Variants in PTH2R observed in about 807,000 individuals in gnomAD.
PTH2R encodes parathyroid hormone 2 receptor.
In PTH2R, 59 loss-of-function variants were observed where a neutral mutation model predicts 60.3. The observed-to-expected ratio is 0.98, with a 90% CI of 0.79 to 1.22. The LOEUF is 1.22. PTH2R is among the 50% of genes most tolerant of loss of function. PTH2R has a pLI of 0.00. For synonymous variants in PTH2R, 256 were observed against 243.8 expected (o/e 1.05, Z -0.47); for missense variants, 749 against 682.6 (o/e 1.10, Z -1.08).
At chr2:208,373,512 C>A (rs1353453864) in intron 1 of PTH2R, among the ~76,000 whole-genome samples, 37 of 152,016 alleles carry the variant, frequency 2.4e-4, no homozygotes. Flanking sequence ...TTGATGAATT[C>A]TCACCTTTAG....
chr2:208,364,113 AT>A (rs1700533717), intron 1 of PTH2R, among the ~76,000 whole-genome samples: 1 of 152,286 alleles, frequency 6.6e-6, no homozygotes, highest in African/African-American at 2.4e-5. Flanking sequence ...TTCTTTATAT[AT>A]TATGGATGCT....
At chr2:208,489,995 A>T (rs1366876963) in intron 11 of PTH2R, among the ~76,000 whole-genome samples, 1 of 152,170 alleles carries the variant, frequency 6.6e-6, no homozygotes, top group Non-Finnish European at 1.5e-5. Flanking sequence ...ACTCTCAGAG[A>T]TACTTTGTTG....
At chr2:208,429,084 C>CAA (rs55835317) in intron 2 of PTH2R, among the ~76,000 whole-genome samples, 2 of 126,076 alleles carry the variant, frequency 1.6e-5, no homozygotes, top group African/African-American at 2.9e-5. Flanking sequence ...CTCTCTGTCT[C>CAA]AAAAAAAAAA....
chr2:208,363,947 T>G (rs944161138), intron 1 of PTH2R, among the ~76,000 whole-genome samples: 1 of 152,230 alleles, frequency 6.6e-6, no homozygotes, highest in African/African-American at 2.4e-5. Context: ...GAATATTTTC[T>G]CCCATTCCAT....
chr2:208,491,169 T>C (rs1703397123), intron 12 of PTH2R, among the ~76,000 whole-genome samples: 1 of 152,204 alleles, frequency 6.6e-6, no homozygotes, highest in African/African-American at 2.4e-5. Flanking sequence ...TAATATGCCC[T>C]GCTGTTGGAT....
chr2:208,491,492 G>C (rs1703402852), intron 12 of PTH2R, among the ~76,000 whole-genome samples: 1 of 152,186 alleles, frequency 6.6e-6, no homozygotes, highest in South Asian at 2.1e-4. Context: ...GGGGCTTCTG[G>C]CCAAGTTAGG....
chr2:208,438,140 A>G (rs1271600594), intron 4 of PTH2R, among the ~76,000 whole-genome samples: 1 of 3,756 alleles, frequency 2.7e-4, no homozygotes, highest in Admixed American at 4.8e-3. Flanking sequence ...GTTAGATTAC[A>G]TTGTTTACTT....
chr2:208,445,522 G>A (rs556965787), intron 7 of PTH2R, among the ~76,000 whole-genome samples: 34 of 152,240 alleles, frequency 2.2e-4, no homozygotes, highest in Non-Finnish European at 4.7e-4. Flanking sequence ...AAAAGAAATT[G>A]TTTGCTTGTT....
rs777972387 is a variant in PTH2R at position 208,442,326 on chromosome 2, T to C, written c.412-38T>C. 5.7e-6 allele frequency: 8 copies of C among 1,399,914 alleles called. No individual in the cohort carries two copies. The Admixed American group carries it at 6.9e-5, about 12-fold the overall frequency. The allele number at this position is 1,399,914 out of a possible 1,614,324, so 86.7% of individuals were successfully genotyped here. A position where few individuals can be genotyped will look rare whatever the true frequency, so the allele number is the denominator to read the frequency against. The stretch of plus-strand genomic sequence containing the variant: ...TTTCTTTGCCAGTTTATTGGTAAAA[T>C]AGTCCCATATCATACATGAGCATCT... On this transcript the variant is annotated intron_variant, in intron 4 of 12. Transcript: ENST00000272847.
chr2:208,472,641 G>A (rs1007927932), intron 9 of PTH2R, among the ~76,000 whole-genome samples: 1 of 152,200 alleles, frequency 6.6e-6, no homozygotes, highest in East Asian at 1.9e-4. Context: ...ACATGGAACT[G>A]TAAGTCCATT....
intron 10 of PTH2R, among the ~76,000 whole-genome samples, chr2:208,488,277 A>G (rs1483738130): frequency 6.6e-6 from 1 of 152,248 alleles, no homozygotes; most frequent in Non-Finnish European, 1.5e-5. Context: ...TATGGCTCAT[A>G]GAAAAATATA....
intron 7 of PTH2R, among the ~76,000 whole-genome samples, chr2:208,450,389 T>G (rs557454375): frequency 3.9e-5 from 6 of 152,292 alleles, no homozygotes; most frequent in African/African-American, 1.4e-4. Context: ...GCTTCACTCC[T>G]TGAGAGCATA....
chr2:208,459,664 A>G (rs1437178730), intron 8 of PTH2R, among the ~76,000 whole-genome samples: 4 of 152,166 alleles, frequency 2.6e-5, no homozygotes, highest in African/African-American at 9.7e-5. Flanking sequence ...TAATTCACTA[A>G]TATTTATAAT....
At chr2:208,383,443 A>G (rs2125877785) in intron 1 of PTH2R, among the ~76,000 whole-genome samples, 1 of 152,362 alleles carries the variant, frequency 6.6e-6, no homozygotes, top group South Asian at 2.1e-4. Context: ...TTTGGAAGAT[A>G]TAAAGAATTT....
At chr2:208,436,562 G>A (rs528462401) in intron 2 of PTH2R, among the ~76,000 whole-genome samples, 6 of 152,230 alleles carry the variant, frequency 3.9e-5, no homozygotes, top group South Asian at 2.1e-4. Context: ...GGAGTCATTG[G>A]GAACTGGTGC....
At chr2:208,450,960 A>ACACATTAC (rs1356478901) in intron 8 of PTH2R, 151 bp downstream of exon 8, 1 of 823,380 alleles carries the variant, frequency 1.2e-6, no homozygotes, top group African/African-American at 1.7e-5. Context: ...GTAGCTTCCA[A>ACACATTAC]CACATTACCA....
chr2:208,438,872 G>A (rs1474269524), intron 4 of PTH2R, among the ~76,000 whole-genome samples: 1 of 152,102 alleles, frequency 6.6e-6, no homozygotes, highest in African/African-American at 2.4e-5. Flanking sequence ...TCCTTAATGA[G>A]TTCTTTAGGA....
chr2:208,423,424 T>G (rs1008412164), intron 1 of PTH2R, among the ~76,000 whole-genome samples: 2 of 152,236 alleles, frequency 1.3e-5, no homozygotes, highest in Non-Finnish European at 2.9e-5. Flanking sequence ...TCCAGTTTGA[T>G]TCCATTGTGG....
chr2:208,363,888 G>A (rs973507596), intron 1 of PTH2R, among the ~76,000 whole-genome samples: 3 of 152,024 alleles, frequency 2.0e-5, no homozygotes, highest in Admixed American at 2.0e-4. Context: ...GTTAATTTAA[G>A]TTTCATGTAG....
Sources: allele counts gnomAD v4.1 joint callset (sites outside exome capture counted in the v4.1 genomes callset), GRCh38; gene constraint gnomAD v4.1.1; transcripts MANE v1.5; gene names NCBI Gene and HGNC (gene_info 2026-07-23, HGNC 2026-07-21).